Variants in CNOT2 observed in about 807,000 individuals in gnomAD.
CNOT2 encodes the protein CC chemokine receptor 4-negative regulator of transcription 2.
Under a neutral mutation model 72.1 loss-of-function variants are expected in CNOT2, and 7 were observed. That is an observed-to-expected ratio of 0.10 (90% confidence interval 0.06 to 0.18). CNOT2 has a LOEUF of 0.18. Among genes scored for constraint, CNOT2 ranks in the 10% least tolerant of loss-of-function variants. The probability of loss-of-function intolerance (pLI) is 1.00; values close to 1 mark genes in which losing one functional copy is unlikely to be tolerated. For synonymous variants in CNOT2, 196 were observed against 225.6 expected (o/e 0.87, Z 1.17); for missense variants, 345 against 660.3 (o/e 0.52, Z 5.23).
At chr12:70,317,417 C>T (rs1877524779) in intron 3 of CNOT2, among the ~76,000 whole-genome samples, 1 of 151,688 alleles carries the variant, frequency 6.6e-6, no homozygotes, top group Non-Finnish European at 1.5e-5. Context: ...TTTTAATATA[C>T]CTACAAAATA....
At chr12:70,319,765 A>G (rs1371567893) in intron 4 of CNOT2, among the ~76,000 whole-genome samples, 2 of 151,324 alleles carry the variant, frequency 1.3e-5, no homozygotes, top group African/African-American at 4.8e-5. Context: ...TATTAAGTAA[A>G]CTCATTACTT....
chr12:70,289,830 T>G (rs1871564592), intron 2 of CNOT2, among the ~76,000 whole-genome samples: 5 of 151,434 alleles, frequency 3.3e-5, no homozygotes, highest in South Asian at 4.2e-4. Flanking sequence ...TGAGTGTTGG[T>G]TTTTTTTTCC....
At chr12:70,317,611 ATTTTT>A (rs529433652) in intron 3 of CNOT2, among the ~76,000 whole-genome samples, 16,262 of 105,394 alleles carry the variant, frequency 0.15, 1,191 homozygotes, top group Admixed American at 0.3. Flanking sequence ...ATAAGGTTTG[ATTTTT>A]TTTTTTTTTT....
chr12:70,254,231 C>CTT (rs1332393618), intron 1 of CNOT2, among the ~76,000 whole-genome samples: 1 of 72,938 alleles, frequency 1.4e-5, no homozygotes, highest in Non-Finnish European at 2.7e-5. Flanking sequence ...GAGCGAGACT[C>CTT]TGTCTCAAAA....
chr12:70,327,538 CTG>C (rs1185482599), intron 4 of CNOT2: 4 of 151,614 alleles, frequency 2.6e-5, no homozygotes, highest in Admixed American at 2.0e-4. Context: ...GGTTCCTTAC[CTG>C]TGTGTAAAAT....
At chr12:70,343,994 A>G in intron 13 of CNOT2, 134 bp from the exon 14 acceptor site, 2 of 526,382 alleles carry the variant, frequency 3.8e-6, no homozygotes, top group Non-Finnish European at 6.7e-6. Context: ...CTGTGTAATC[A>G]TGTAATAACA....
At chr12:70,341,841 T>G (rs1881548053) in intron 11 of CNOT2, 4 of 370,178 alleles carry the variant, frequency 1.1e-5, no homozygotes, top group Middle Eastern at 7.2e-4. Context: ...AGTAGAAAAT[T>G]TTTAATCATG....
In CNOT2 at chr12:70,353,918, A is replaced by AAT; in HGVS notation, c.*4_*5insTA. 6.6e-7 allele frequency: 1 copy of AAT among 1,510,350 alleles called. No homozygotes were observed. The highest frequency in any genetic ancestry group is 2.1e-5 in the Admixed American group (1 of 48,626). 93.6% of individuals were successfully genotyped at this position (1,510,350 alleles called of 1,614,324 possible). ...ACCCTGCTCAGCAAGCCTTCTAAAA[A>AAT]AAAAAAAAAAAAAAAAAAAAGACTT... is the stretch of plus-strand genomic sequence containing the variant. On this transcript the variant is annotated 3_prime_UTR_variant, in exon 16 of 16. Transcript: ENST00000229195.
chr12:70,255,359 T>A (rs190674159), intron 1 of CNOT2, among the ~76,000 whole-genome samples: 1 of 152,208 alleles, frequency 6.6e-6, no homozygotes, highest in Non-Finnish European at 1.5e-5. Flanking sequence ...AGAATGTCAG[T>A]GCAGTAGTTT....
At chr12:70,297,630 A>C (rs1220101984) in intron 2 of CNOT2, 2 of 214,302 alleles carry the variant, frequency 9.3e-6, no homozygotes, top group African/African-American at 2.4e-5. Flanking sequence ...TGTGTTCACT[A>C]TACTTAAGTA....
chr12:70,314,926 C>T (rs144008057), intron 3 of CNOT2, among the ~76,000 whole-genome samples: 9,298 of 152,028 alleles, frequency 0.061, 430 homozygotes, highest in East Asian at 0.15. Flanking sequence ...TGTAATGGCA[C>T]GATCTTGGCT....
At chr12:70,298,496 C>T (rs993575144) in intron 2 of CNOT2, among the ~76,000 whole-genome samples, 1 of 152,146 alleles carries the variant, frequency 6.6e-6, no homozygotes, top group Non-Finnish European at 1.5e-5. Context: ...TGGTCCTTAG[C>T]TACAAAATAG....
intron 2 of CNOT2, among the ~76,000 whole-genome samples, chr12:70,302,949 T>G (rs1241924010): frequency 6.6e-6 from 1 of 152,232 alleles, no homozygotes; most frequent in Non-Finnish European, 1.5e-5. Context: ...CTTGTTGAAT[T>G]GATCCCTTTA....
intron 4 of CNOT2, chr12:70,324,144 C>A (rs1435125140): frequency 6.6e-6 from 1 of 151,700 alleles, no homozygotes; most frequent in African/African-American, 2.4e-5. Flanking sequence ...ACCTGAATGC[C>A]ATGACCCTAG....
At chr12:70,250,586 A>G (rs2135699425) in intron 1 of CNOT2, among the ~76,000 whole-genome samples, 1 of 152,150 alleles carries the variant, frequency 6.6e-6, no homozygotes, top group Non-Finnish European at 1.5e-5. Flanking sequence ...TAACTTAGGA[A>G]AAAATAAAGG....
At chr12:70,330,947 T>C (rs1169602341) in intron 6 of CNOT2, 1 of 152,226 alleles carries the variant, frequency 6.6e-6, no homozygotes, top group Non-Finnish European at 1.5e-5. Flanking sequence ...AACCGTATCA[T>C]GTTTAGGGAT....
chr12:70,318,420 TTTTG>T (rs1015195514), intron 3 of CNOT2, among the ~76,000 whole-genome samples: 1 of 151,882 alleles, frequency 6.6e-6, no homozygotes, highest in African/African-American at 2.4e-5. Context: ...ATTTTTAAAT[TTTTG>T]TTCAATTTTT....
intron 7 of CNOT2, among the ~76,000 whole-genome samples, chr12:70,333,493 C>T (rs1374455627): frequency 1.3e-5 from 2 of 151,820 alleles, no homozygotes; most frequent in African/African-American, 4.8e-5. Flanking sequence ...TTTACCTTCT[C>T]CACCCTACAG....
intron 2 of CNOT2, among the ~76,000 whole-genome samples, chr12:70,295,651 ACTT>A (rs1872693179): frequency 6.6e-6 from 1 of 152,172 alleles, no homozygotes; most frequent in South Asian, 2.1e-4. Context: ...ATAAAGTACT[ACTT>A]TAATTTTAGG....
Sources: gnomAD v4.1 joint callset for allele counts (sites outside exome capture counted in the v4.1 genomes callset) on GRCh38, gnomAD v4.1.1 for gene constraint, MANE v1.5 for transcripts, NCBI Gene and HGNC (gene_info 2026-07-23, HGNC 2026-07-21) for gene names.